Variants in ANKFN1 observed in about 807,000 individuals in gnomAD.
The protein encoded by ANKFN1 is ankyrin repeat and fibronectin type-III domain-containing protein 1.
Under a neutral mutation model 108.7 loss-of-function variants are expected in ANKFN1, and 74 were observed. The ratio of observed to expected loss-of-function variants is 0.68; its 90% confidence interval spans 0.56 to 0.83. ANKFN1 has a LOEUF of 0.83. Ranked by LOEUF, ANKFN1 falls within the 40% of genes least tolerant of loss-of-function variation. The pLI is 0.00. For synonymous variants in ANKFN1, 547 were observed against 516.2 expected (o/e 1.06, Z -0.81); for missense variants, 1,505 against 1,382.3 (o/e 1.09, Z -1.41).
At chr17:56,480,105 A>G (rs1298285365) in intron 16 of ANKFN1, among the ~76,000 whole-genome samples, 1 of 152,242 alleles carries the variant, frequency 6.6e-6, no homozygotes, top group African/African-American at 2.4e-5. Flanking sequence ...GGAGGATGGA[A>G]GCAGTGATAT....
chr17:56,228,798 G>A (rs1360391371), intron 3 of ANKFN1, among the ~76,000 whole-genome samples: 3 of 152,056 alleles, frequency 2.0e-5, no homozygotes, highest in East Asian at 3.9e-4. Context: ...AGATGGTTGA[G>A]TCATGTACCC....
intron 4 of ANKFN1, among the ~76,000 whole-genome samples, chr17:56,336,698 G>A (rs557133551): frequency 8.6e-4 from 131 of 152,082 alleles, no homozygotes; most frequent in Non-Finnish European, 1.4e-3. Flanking sequence ...TTTTTGAAGG[G>A]TTTTTTGTGT....
At chr17:56,266,912 A>C (rs1382692933) in intron 3 of ANKFN1, among the ~76,000 whole-genome samples, 1 of 152,114 alleles carries the variant, frequency 6.6e-6, no homozygotes, top group Non-Finnish European at 1.5e-5. Flanking sequence ...GTTTTAATTT[A>C]GGAAAGGGAT....
chr17:56,492,145 A>C lies in ANKFN1; in HGVS notation c.2261-42A>C, dbSNP rs1179586436. The C allele has an allele frequency of 4.4e-6, 3 of 680,610 alleles. No individual in the cohort carries two copies. In the African/African-American group the frequency reaches 5.3e-5, roughly 12 times the overall value. The allele number at this position is 680,610 out of a possible 1,614,324, so 42.2% of individuals were successfully genotyped here. A position where few individuals can be genotyped will look rare whatever the true frequency, so the allele number is the denominator to read the frequency against. ...GAGGTATGAATTTCTCTATTTTGATACCAGATCTTAACATGTTTTATTTTG... is the reference window on the plus strand; with the variant it reads ...GAGGTATGAATTTCTCTATTTTGATCCCAGATCTTAACATGTTTTATTTTG... On this transcript the variant is annotated intron_variant, in intron 18 of 20. Coordinates refer to ENST00000682825, the MANE Select transcript of ANKFN1 (RefSeq NM_001370326.1).
At chr17:56,395,582 C>T (rs765391121) in intron 8 of ANKFN1, among the ~76,000 whole-genome samples, 15 of 152,198 alleles carry the variant, frequency 9.9e-5, no homozygotes, top group Admixed American at 6.5e-4. Flanking sequence ...GGTGCCATGG[C>T]TCACAACTGT....
chr17:56,057,789 A>G (rs1466326144), intron 4 of ANKFN1, among the ~76,000 whole-genome samples: 3 of 152,126 alleles, frequency 2.0e-5, no homozygotes, highest in Non-Finnish European at 4.4e-5. Context: ...TGTCTCAAAA[A>G]AAAAAAATGT....
chr17:56,124,241 T>G (rs1425034070), intron 4 of ANKFN1, among the ~76,000 whole-genome samples: 3 of 152,206 alleles, frequency 2.0e-5, no homozygotes, highest in Non-Finnish European at 4.4e-5. Flanking sequence ...TCTCTTTTTA[T>G]CCTAATATAA....
intron 4 of ANKFN1, 58 bp downstream of exon 4, chr17:56,326,413 G>A (rs141400959): frequency 6.4e-7 from 1 of 1,556,486 alleles, no homozygotes; most frequent in Non-Finnish European, 8.7e-7. Context: ...CTTAATTACT[G>A]ATTATTTTTA....
chr17:56,316,042 CTGACATT>C (rs1194499804), intron 3 of ANKFN1, among the ~76,000 whole-genome samples: 3 of 152,242 alleles, frequency 2.0e-5, no homozygotes, highest in South Asian at 4.1e-4. Context: ...TCAGACGCTC[CTGACATT>C]TGTACAGCAA....
intron 8 of ANKFN1, among the ~76,000 whole-genome samples, chr17:56,399,651 C>T (rs2047690477): frequency 6.6e-6 from 1 of 151,762 alleles, no homozygotes; most frequent in African/African-American, 2.4e-5. Context: ...TCCCCAAGTC[C>T]CCAAAGTCCA....
chr17:56,166,164 T>C (rs77426958), intron 1 of ANKFN1, among the ~76,000 whole-genome samples: 3,650 of 152,306 alleles, frequency 0.024, 132 homozygotes, highest in African/African-American at 0.083. Flanking sequence ...GTTCCAGTTA[T>C]GCTACAATGT....
At chr17:56,145,938 A>G (rs1388388332) in intron 4 of ANKFN1, among the ~76,000 whole-genome samples, 1 of 152,222 alleles carries the variant, frequency 6.6e-6, no homozygotes, top group South Asian at 2.1e-4. Context: ...ATCTGAGACA[A>G]GACAAGTTCC....
At chr17:56,099,851 G>A (rs1905606520) in intron 4 of ANKFN1, among the ~76,000 whole-genome samples, 1 of 152,236 alleles carries the variant, frequency 6.6e-6, no homozygotes, top group Admixed American at 6.5e-5. Context: ...CCGTGCTCAA[G>A]TACTGGGACT....
At chr17:56,257,485 C>G (rs1598312599) in intron 3 of ANKFN1, among the ~76,000 whole-genome samples, 2 of 152,186 alleles carry the variant, frequency 1.3e-5, no homozygotes, top group South Asian at 4.1e-4. Flanking sequence ...AGGCTCAGGC[C>G]CTGCAGACAC....
chr17:56,363,448 AG>A (rs2046578627), intron 6 of ANKFN1, among the ~76,000 whole-genome samples: 1 of 152,180 alleles, frequency 6.6e-6, no homozygotes. Flanking sequence ...TGTGGAGAAA[AG>A]GAAACGCTTG....
At chr17:56,210,247 A>T (rs1356868621) in intron 1 of ANKFN1, among the ~76,000 whole-genome samples, 1 of 152,222 alleles carries the variant, frequency 6.6e-6, no homozygotes. Flanking sequence ...TCCTCTGGGT[A>T]GATACCTAGG....
In ANKFN1 at chr17:56,511,330, AC is replaced by A. The variant is rs1435577079; in HGVS notation, c.*66del. ...GCTACCTGCGTTTTACATCACCCTT[AC>A]CCCCATCCTGCCCCACTGTGTACCC... On this transcript the variant is annotated 3_prime_UTR_variant, in exon 21 of 21. Coordinates refer to ENST00000682825, the MANE Select transcript of ANKFN1 (RefSeq NM_001370326.1). 3.6e-6 allele frequency: 5 copies of A among 1,403,628 alleles called. No homozygotes were observed. The East Asian group carries it at 1.0e-4, about 28-fold the overall frequency. 86.9% of individuals were successfully genotyped at this position (1,403,628 alleles called of 1,614,324 possible). A position where few individuals can be genotyped will look rare whatever the true frequency, so the allele number is the denominator to read the frequency against.
At chr17:56,333,624 T>G (rs1008556123) in intron 4 of ANKFN1, among the ~76,000 whole-genome samples, 6 of 152,086 alleles carry the variant, frequency 3.9e-5, no homozygotes, top group African/African-American at 1.5e-4. Context: ...TGATAGACAT[T>G]GGTCCATACC....
intron 4 of ANKFN1, among the ~76,000 whole-genome samples, chr17:56,053,048 A>G (rs1383105319): frequency 6.6e-6 from 1 of 152,174 alleles, no homozygotes; most frequent in African/African-American, 2.4e-5. Flanking sequence ...ACTAGTAATA[A>G]TAATAATAAC....
Sources: gnomAD v4.1 joint callset for allele counts (sites outside exome capture counted in the v4.1 genomes callset) on GRCh38, gnomAD v4.1.1 for gene constraint, MANE v1.5 for transcripts, NCBI Gene and HGNC (gene_info 2026-07-23, HGNC 2026-07-21) for gene names.